Variants in SAMSN1 observed in about 807,000 individuals in gnomAD.
The protein encoded by SAMSN1 is SAM domain, SH3 domain and nuclear localization signals 1, also known as SAM domain-containing protein SAMSN-1.
SAMSN1 carries 31 observed loss-of-function variants against 42.0 expected under a neutral mutation model. The observed-to-expected ratio is 0.74, with a 90% confidence interval of 0.55 to 1.00. The LOEUF (loss-of-function observed/expected upper bound fraction) is 1.00. SAMSN1 is among the 50% of genes least tolerant of loss of function. The probability of loss-of-function intolerance (pLI) is 0.00; values close to 1 mark genes in which losing one functional copy is unlikely to be tolerated. For synonymous variants in SAMSN1, 178 were observed against 151.9 expected, an observed-to-expected ratio of 1.17 and a Z score of -1.26; for missense variants, 464 against 439.4, an observed-to-expected ratio of 1.06 and a Z score of -0.50.
At chr21:14,647,297 G>C (rs1191372700) in intron 1 of SAMSN1, among the ~76,000 whole-genome samples, 3 of 151,770 alleles carry the variant, frequency 2.0e-5, no homozygotes, top group South Asian at 2.1e-4. Context: ...GATAGTTGTA[G>C]ATATGCGACA....
At chr21:14,521,780 A>T (rs1041821244) in intron 1 of SAMSN1, among the ~76,000 whole-genome samples, 10 of 152,112 alleles carry the variant, frequency 6.6e-5, no homozygotes, top group African/African-American at 2.4e-4. Flanking sequence ...TACCTAGGTG[A>T]TGGGTTGACA....
intron 2 of SAMSN1, among the ~76,000 whole-genome samples, chr21:14,580,635 G>C (rs1212397495): frequency 2.0e-5 from 3 of 152,252 alleles, no homozygotes; most frequent in Non-Finnish European, 4.4e-5. Context: ...TCAGTTCGAA[G>C]TCTGTTATCA....
chr21:14,500,754 A>G lies in SAMSN1; in HGVS notation c.562-19T>C. On this transcript the variant is annotated intron_variant, in intron 5 of 7. Coordinates refer to ENST00000400566, the MANE Select transcript of SAMSN1 (RefSeq NM_022136.5). ...CTCCTTTCTAAGGGCAAAGAAATCC[A>G]TACACATTAGATTTCAGAGAACCTC... 6.4e-7 allele frequency: 1 copy of G among 1,572,242 alleles called. No individual in the cohort carries two copies. The highest frequency in any genetic ancestry group is 8.8e-7 in the Non-Finnish European group (1 of 1,142,512).
intron 1 of SAMSN1, among the ~76,000 whole-genome samples, chr21:14,545,025 G>A (rs1333717251): frequency 2.0e-5 from 3 of 151,936 alleles, no homozygotes; most frequent in East Asian, 3.9e-4. Flanking sequence ...GTTACTTTGA[G>A]TTTTTCTTAT....
intron 1 of SAMSN1, among the ~76,000 whole-genome samples, chr21:14,538,742 T>C (rs556620722): frequency 2.0e-5 from 3 of 152,178 alleles, no homozygotes; most frequent in Non-Finnish European, 4.4e-5. Context: ...TCATCATTGC[T>C]AGGATCAAAT....
intron 2 of SAMSN1, among the ~76,000 whole-genome samples, chr21:14,633,335 T>C (rs937286878): frequency 2.0e-5 from 3 of 152,200 alleles, no homozygotes; most frequent in Admixed American, 6.5e-5. Context: ...AGGAAAGTAA[T>C]AGAGTTTAAT....
At chr21:14,621,873 C>T (rs1050418536) in intron 2 of SAMSN1, among the ~76,000 whole-genome samples, 4 of 152,202 alleles carry the variant, frequency 2.6e-5, no homozygotes, top group Non-Finnish European at 1.5e-5. Context: ...GAGGCACACC[C>T]CAGTACGGGC....
chr21:14,633,498 A>G (rs1198620121), intron 2 of SAMSN1, among the ~76,000 whole-genome samples: 2 of 152,232 alleles, frequency 1.3e-5, no homozygotes, highest in East Asian at 3.8e-4. Context: ...ATCAAGTTCT[A>G]TTTAGGAACC....
chr21:14,503,074 G>T (rs765029774), intron 5 of SAMSN1, among the ~76,000 whole-genome samples: 2 of 152,128 alleles, frequency 1.3e-5, no homozygotes, highest in East Asian at 3.9e-4. Flanking sequence ...CCTTGAGTGT[G>T]AGCAGGACTA....
chr21:14,647,460 G>T (rs984458904), intron 1 of SAMSN1, among the ~76,000 whole-genome samples: 1 of 148,306 alleles, frequency 6.7e-6, no homozygotes, highest in Non-Finnish European at 1.5e-5. Context: ...GATTGACTTG[G>T]CAATGTGGGC....
At chr21:14,609,152 T>C (rs988643271) in intron 5 of SAMSN1, among the ~76,000 whole-genome samples, 8 of 152,098 alleles carry the variant, frequency 5.3e-5, no homozygotes, top group African/African-American at 1.9e-4. Flanking sequence ...TCTCGTGCTC[T>C]AATTTTTAAT....
chr21:14,534,660 T>A (rs1286041993), intron 1 of SAMSN1, among the ~76,000 whole-genome samples: 1 of 151,796 alleles, frequency 6.6e-6, no homozygotes, highest in Admixed American at 6.6e-5. Flanking sequence ...GGATTACAGG[T>A]GCCCGCCACC....
At chr21:14,648,266 A>G in intron 1 of SAMSN1, among the ~76,000 whole-genome samples, 1 of 152,218 alleles carries the variant, frequency 6.6e-6, no homozygotes. Flanking sequence ...CCAAAAATCA[A>G]TTCAAGATGG....
intron 1 of SAMSN1, among the ~76,000 whole-genome samples, chr21:14,643,434 T>C (rs928988615): frequency 1.3e-5 from 2 of 152,164 alleles, no homozygotes; most frequent in African/African-American, 4.8e-5. Context: ...GTTGAAGACA[T>C]TAAGCTCAAA....
chr21:14,531,863 T>C (rs766054089), intron 1 of SAMSN1, among the ~76,000 whole-genome samples: 1 of 152,230 alleles, frequency 6.6e-6, no homozygotes, highest in Non-Finnish European at 1.5e-5. Context: ...TTAAAAGTCC[T>C]CTGCATTCAC....
chr21:14,637,498 C>A (rs910409938), intron 2 of SAMSN1, among the ~76,000 whole-genome samples: 2 of 152,146 alleles, frequency 1.3e-5, no homozygotes, highest in East Asian at 1.9e-4. Context: ...TTCTAATGGA[C>A]AGGACTGCTG....
intron 1 of SAMSN1, among the ~76,000 whole-genome samples, chr21:14,646,064 AG>A (rs1983707595): frequency 6.6e-6 from 1 of 152,200 alleles, no homozygotes; most frequent in East Asian, 1.9e-4. Flanking sequence ...GGCCTTAAAG[AG>A]GACGTAGATA....
At chr21:14,546,181 T>C (rs765382602) in intron 1 of SAMSN1, 24 bp downstream of exon 1, 1 of 1,583,576 alleles carries the variant, frequency 6.3e-7, no homozygotes, top group Non-Finnish European at 8.7e-7. Flanking sequence ...TGATTTTATT[T>C]AACTATGTAT....
intron 2 of SAMSN1, among the ~76,000 whole-genome samples, chr21:14,642,343 C>T (rs965591335): frequency 6.6e-6 from 1 of 152,194 alleles, no homozygotes; most frequent in Admixed American, 6.5e-5. Context: ...GAACAATTTG[C>T]ATTTGCCAGT....
Sources: allele counts gnomAD v4.1 joint callset (sites outside exome capture counted in the v4.1 genomes callset), GRCh38; gene constraint gnomAD v4.1.1; transcripts MANE v1.5; gene names NCBI Gene and HGNC (gene_info 2026-07-23, HGNC 2026-07-21).